MYO10: variants seen among roughly 807,000 people sequenced by gnomAD.
The protein encoded by MYO10 is myosin X.
Under a neutral mutation model 257.3 loss-of-function variants are expected in MYO10, and 133 were observed. The observed-to-expected ratio is 0.52, with a 90% CI of 0.45 to 0.60. The LOEUF is 0.60. MYO10 is among the 20% of genes least tolerant of loss of function. The pLI, the probability that MYO10 is intolerant of heterozygous loss-of-function variation, is 0.00. For missense variants in MYO10, 2,399 were observed against 2,635.7 expected, an observed-to-expected ratio of 0.91 and a Z score of 1.97; for synonymous variants, 1,104 against 1,028.6, an observed-to-expected ratio of 1.07 and a Z score of -1.40.
chr5:16,753,379 G>T (rs1011552431), intron 19 of MYO10, among the ~76,000 whole-genome samples: 6 of 151,888 alleles, frequency 4.0e-5, no homozygotes, highest in Admixed American at 2.6e-4. Flanking sequence ...ATGTTAACCA[G>T]GATGGTCTCC....
chr5:16,777,969 C>G (rs111915550), intron 9 of MYO10, among the ~76,000 whole-genome samples: 6 of 150,436 alleles, frequency 4.0e-5, no homozygotes, highest in African/African-American at 1.5e-4. Flanking sequence ...CTGCCTCAGG[C>G]TCCTAAGTAG....
chr5:16,676,075 T>G lies in MYO10; in HGVS notation c.4622A>C (p.His1541Pro), dbSNP rs758912338. The stretch of plus-strand genomic sequence containing the variant: ...ATACGGAAGGGGCAGGAGCGGGGAG[T>G]GCAAGGGGTGATGGGTGTATCGAAG... The part of the protein sequence containing the change: ...PILRYTHHPL[H>P]SPLLPLPYGD... The change falls in exon 34 of 41, where the codon CAC becomes CCC. Residue 1541 changes from histidine to proline, a missense_variant. Physicochemically the swap from His to Pro is moderately conservative, Grantham distance 77 (BLOSUM62 -2). Around this residue, in one of 3 missense-constraint regions of MYO10, gnomAD observed 1,820 missense variants for 1,939.4 expected, o/e 0.94. Coordinates refer to ENST00000513610, the MANE Select transcript of MYO10 (RefSeq NM_012334.3). 26 of 1,612,556 alleles carry G rather than the reference T, an allele frequency of 1.6e-5. No homozygotes were observed. The highest frequency in any genetic ancestry group is 2.0e-5 in the Non-Finnish European group (24 of 1,179,462).
At chr5:16,672,560 A>G in intron 37 of MYO10, 129 bp downstream of exon 37, 1 of 1,094,568 alleles carries the variant, frequency 9.1e-7, no homozygotes, top group Non-Finnish European at 1.3e-6. Flanking sequence ...ACAGGCATCA[A>G]CACAGGTAAA....
rs1034260321 is a variant in MYO10 at position 16,662,881 on chromosome 5, C to T, written c.*3811G>A. The T allele has an allele frequency of 6.6e-6, 1 of 152,182 alleles. No homozygotes were observed. Among genetic ancestry groups the T allele is most frequent in the African/African-American group, 2.4e-5 (1 of 41,426 alleles). 9.4% of individuals were successfully genotyped at this position (152,182 alleles called of 1,614,324 possible). A position where few individuals can be genotyped will look rare whatever the true frequency, so the allele number is the denominator to read the frequency against. ...CTGCCATATAAGATGTGCCTTTTCT[C>T]CTCCTTTGCTGTCCACCATGATTGT... On this transcript the variant is annotated 3_prime_UTR_variant, in exon 41 of 41. Transcript: ENST00000513610.
chr5:16,782,460 G>GA (rs1741451531), intron 5 of MYO10, among the ~76,000 whole-genome samples: 1 of 152,186 alleles, frequency 6.6e-6, no homozygotes, highest in African/African-American at 2.4e-5. Context: ...GGAGGAAGAT[G>GA]AAGTTTTGGA....
chr5:16,701,616 G>A lies in MYO10; in HGVS notation c.2779C>T (p.Leu927Phe). The A allele has an allele frequency of 1.9e-6, 3 of 1,612,238 alleles. No homozygotes were observed. The highest frequency in any genetic ancestry group is 2.5e-6 in the Non-Finnish European group (3 of 1,179,106). ...CACGCTTCCTCCTCCAGCCTGCGGA[G>A]CTCCTGGTCCCGCCGCTCCTGCAGC... ...QKLQERRDQELRRLEEEACRA... is the reference protein window; with the variant it reads ...QKLQERRDQEFRRLEEEACRA... Residue 927 changes from leucine to phenylalanine, a missense_variant, in exon 25 of 41, where the codon CTC becomes TTC. Physicochemically the swap from Leu to Phe is conservative, Grantham distance 22. Around this residue, in one of 3 missense-constraint regions of MYO10, gnomAD observed 1,820 missense variants for 1,939.4 expected, o/e 0.94. Coordinates refer to ENST00000513610, the MANE Select transcript of MYO10 (RefSeq NM_012334.3). This position sits in a 1 kb window ranked among gnomAD's most constrained non-coding sequence, Gnocchi z 8.1.
intron 1 of MYO10, among the ~76,000 whole-genome samples, chr5:16,934,546 T>C (rs1467366474): frequency 1.3e-5 from 2 of 152,202 alleles, no homozygotes; most frequent in Non-Finnish European, 2.9e-5. Context: ...GTCTATGGAC[T>C]AGAAAATGCG....
In MYO10 at chr5:16,862,813, G is replaced by A. The variant is rs752264361; in HGVS notation, c.120+14796C>T. 3.9e-4 allele frequency among the ~76,000 whole-genome samples: 59 copies of A among 152,216 alleles called. 2 individuals are homozygous for A. Among genetic ancestry groups the A allele is most frequent in the Non-Finnish European group, 7.2e-4 (49 of 68,020 alleles). On this transcript the variant is annotated intron_variant, in intron 2 of 40. Coordinates refer to ENST00000513610, the MANE Select transcript of MYO10 (RefSeq NM_012334.3). The stretch of plus-strand genomic sequence containing the variant: ...CACAAAATCGAAAGCAACCACAGGG[G>A]TCAATAGCACCAAACATGAGCCCTT...
intron 1 of MYO10, among the ~76,000 whole-genome samples, chr5:16,883,487 T>C (rs150392044): frequency 9.9e-4 from 151 of 152,338 alleles, no homozygotes; most frequent in Non-Finnish European, 6.8e-4. Flanking sequence ...GAGGTTGTGA[T>C]GGATTGTACC....
At chr5:16,734,440 C>T (rs1283990677) in intron 19 of MYO10, among the ~76,000 whole-genome samples, 2 of 152,164 alleles carry the variant, frequency 1.3e-5, no homozygotes, top group Non-Finnish European at 2.9e-5. Flanking sequence ...TGACAGATCA[C>T]GAGAAGAAAC....
chr5:16,892,780 C>T (rs16899120), intron 1 of MYO10, among the ~76,000 whole-genome samples: 3,588 of 152,288 alleles, frequency 0.024, 64 homozygotes, highest in Middle Eastern at 0.037. Flanking sequence ...TAATTTAACT[C>T]TCCTCTCAAG....
intron 19 of MYO10, among the ~76,000 whole-genome samples, chr5:16,722,645 T>C (rs1276951481): frequency 6.6e-6 from 1 of 152,218 alleles, no homozygotes; most frequent in Non-Finnish European, 1.5e-5. Flanking sequence ...TATGCAAAGA[T>C]ATAATCTAGA....
chr5:16,924,205 A>C (rs922881), intron 1 of MYO10, among the ~76,000 whole-genome samples: 1 of 152,060 alleles, frequency 6.6e-6, no homozygotes, highest in East Asian at 1.9e-4. Flanking sequence ...GAACATCAAC[A>C]ACCACGCTGG....
intron 4 of MYO10, 84 bp downstream of exon 4, chr5:16,794,562 A>G (rs1012475132): frequency 1.5e-5 from 19 of 1,284,636 alleles, no homozygotes; most frequent in Non-Finnish European, 1.8e-5. Flanking sequence ...TCCTCTGGTT[A>G]ATGCCCTAAG....
chr5:16,861,616 G>A (rs554546846), intron 2 of MYO10, among the ~76,000 whole-genome samples: 5 of 152,216 alleles, frequency 3.3e-5, no homozygotes, highest in Non-Finnish European at 7.4e-5. Flanking sequence ...TAAGTGAGAA[G>A]TGGCATGAGA....
rs138816209 is a variant in MYO10, at chr5:16,748,760, C to T, written c.1929+6068G>A. Among the ~76,000 whole-genome samples the T allele has an allele frequency of 9.7e-4, 147 of 152,260 alleles. 2 individuals carry two copies. In the East Asian group the frequency reaches 0.017, roughly 18 times the overall value. On this transcript the variant is annotated intron_variant, in intron 19 of 40. Coordinates refer to ENST00000513610, the MANE Select transcript of MYO10 (RefSeq NM_012334.3). ...CTCTGGAAACAAAAGGCTCATGCTT[C>T]CATAATGTCTGCACAGAGCTCTCAC...
At chr5:16,778,814 C>A (rs1290139116) in intron 9 of MYO10, among the ~76,000 whole-genome samples, 1 of 151,748 alleles carries the variant, frequency 6.6e-6, no homozygotes, top group East Asian at 1.9e-4. Flanking sequence ...CCTCAGCCTC[C>A]CGAGTAGCTG....
intron 1 of MYO10, among the ~76,000 whole-genome samples, chr5:16,927,737 T>A (rs189978675): frequency 6.6e-6 from 1 of 152,294 alleles, no homozygotes; most frequent in Admixed American, 6.5e-5. Context: ...TTCCCATATG[T>A]TTCTCCCTTG....
At chr5:16,850,958 C>T (rs925970208) in intron 2 of MYO10, among the ~76,000 whole-genome samples, 5 of 152,156 alleles carry the variant, frequency 3.3e-5, no homozygotes, top group African/African-American at 1.2e-4. Context: ...CCATGCCCAG[C>T]TCATTTTTGT....
Sources: allele counts gnomAD v4.1 joint callset (sites outside exome capture counted in the v4.1 genomes callset), GRCh38; gene constraint gnomAD v4.1.1; regional missense constraint gnomAD v4.1.1; non-coding constraint Gnocchi (gnomAD v3.1); transcripts MANE v1.5; gene names NCBI Gene and HGNC (gene_info 2026-07-23, HGNC 2026-07-21).